The following ZSCAN25 variants were observed in gnomAD, a reference collection of about 807,000 sequenced individuals.
The protein encoded by ZSCAN25 is zinc finger and SCAN domain containing 25.
Under a neutral mutation model 38.7 loss-of-function variants are expected in ZSCAN25, and 27 were observed. The observed-to-expected ratio is 0.70, with a 90% CI of 0.51 to 0.96. ZSCAN25 has a LOEUF of 0.96. ZSCAN25 is among the 40% of genes least tolerant of loss of function. ZSCAN25 has a pLI of 0.00. For missense variants in ZSCAN25, 637 were observed against 705.9 expected, an observed-to-expected ratio of 0.90 and a Z score of 1.11; for synonymous variants, 273 against 277.7, an observed-to-expected ratio of 0.98 and a Z score of 0.17.
chr7:99,720,539 T>G, the ZSCAN25 span: 1 of 1,033,980 alleles, frequency 9.7e-7, no homozygotes, highest in African/African-American at 1.6e-5. Context: ...ACAGTAATCT[T>G]AAGTTCTAGT....
chr7:99,655,993 G>A, the ZSCAN25 span, among the ~76,000 whole-genome samples: 1 of 152,120 alleles, frequency 6.6e-6, no homozygotes, highest in Admixed American at 6.5e-5. Flanking sequence ...AGACGATGGG[G>A]TTTTCTAGAT....
the ZSCAN25 span, chr7:99,699,999 C>G: frequency 1.4e-4 from 232 of 1,611,976 alleles, 1 homozygote; most frequent in Middle Eastern, 9.9e-4. Flanking sequence ...CCAGGAGAAG[C>G]CAGGTTTCCA....
chr7:99,709,084 G>A, the ZSCAN25 span: 2 of 1,613,386 alleles, frequency 1.2e-6, no homozygotes, highest in South Asian at 1.1e-5. Context: ...GGGTCATGAT[G>A]AAGAACATAG....
the ZSCAN25 span, chr7:99,680,053 G>C: frequency 3.0e-6 from 2 of 661,712 alleles, no homozygotes; most frequent in Non-Finnish European, 5.4e-6. Flanking sequence ...CAGGGCTATA[G>C]CTGCAGCCAA....
At chr7:99,734,931 T>G in the ZSCAN25 span, 1 of 1,591,346 alleles carries the variant, frequency 6.3e-7, no homozygotes, top group East Asian at 2.2e-5. Flanking sequence ...TGAACATCCT[T>G]TTTGCTATTC....
At chr7:99,728,932 C>T in the ZSCAN25 span, among the ~76,000 whole-genome samples, 2 of 152,166 alleles carry the variant, frequency 1.3e-5, no homozygotes, top group Non-Finnish European at 2.9e-5. Flanking sequence ...TAGTCGTCCT[C>T]CAACATCGCT....
the ZSCAN25 span, among the ~76,000 whole-genome samples, chr7:99,711,397 A>G: frequency 6.6e-6 from 1 of 152,332 alleles, no homozygotes; most frequent in South Asian, 2.1e-4. Flanking sequence ...AGGGAACTTA[A>G]GAGACCAATA....
At chr7:99,699,665 GT>G in the ZSCAN25 span, among the ~76,000 whole-genome samples, 1 of 152,104 alleles carries the variant, frequency 6.6e-6, no homozygotes, top group Non-Finnish European at 1.5e-5. Context: ...CCTTTGCTGG[GT>G]TTTCATTTTC....
chr7:99,732,590 C>T, the ZSCAN25 span, among the ~76,000 whole-genome samples: 1 of 152,118 alleles, frequency 6.6e-6, no homozygotes, highest in Admixed American at 6.5e-5. Flanking sequence ...ACTTCCCCAA[C>T]TGGGGATTCT....
chr7:99,629,711 C>T lies in ZSCAN25; in HGVS notation c.1326C>T (p.Arg442=). 2.5e-6 allele frequency: 4 copies of T among 1,613,928 alleles called. No homozygotes were observed. Among genetic ancestry groups the T allele is most frequent in the Non-Finnish European group, 3.4e-6 (4 of 1,179,986 alleles). The change falls in exon 8 of 8, where the codon CGC becomes CGT. Residue 442 remains arginine, a synonymous_variant. Transcript: ENST00000394152. The surrounding 1 kb of genome is among the most constrained non-coding windows in gnomAD (Gnocchi z 5.6). ...GGGACTGCTGGAAGAGCTTCAGCCG[C>T]AGGCAGCACCTGCAGGTGCACCGGA... ...KCGDCWKSFS[R]RQHLQVHRRT...
the ZSCAN25 span, among the ~76,000 whole-genome samples, chr7:99,645,056 T>A: frequency 6.6e-6 from 1 of 152,184 alleles, no homozygotes; most frequent in Non-Finnish European, 1.5e-5. Flanking sequence ...AATGGCGCGA[T>A]CTTGGCTCAC....
chr7:99,697,491 G>C, the ZSCAN25 span, among the ~76,000 whole-genome samples: 10 of 152,160 alleles, frequency 6.6e-5, no homozygotes, highest in Non-Finnish European at 1.3e-4. Flanking sequence ...ATCCATATGC[G>C]TCATGTGTGC....
At position 99,629,335 on chromosome 7, in the gene ZSCAN25, C is replaced by G; in HGVS notation, c.950C>G (p.Pro317Arg). The change falls in exon 8 of 8, where the codon CCT becomes CGT. Residue 317 changes from proline to arginine, a missense_variant. Transcript: ENST00000394152. The surrounding 1 kb of genome is among the most constrained non-coding windows in gnomAD (Gnocchi z 5.6). Reference sequence around the variant, plus strand: ...GTCTGTGAGCAGGAGCCTGGTGGCCCTGCAGGCAGTGCGCCTGGGCTTCCT... The same window carrying G: ...GTCTGTGAGCAGGAGCCTGGTGGCCGTGCAGGCAGTGCGCCTGGGCTTCCT... ...GRVCEQEPGG[P>R]AGSAPGLPPP... is the part of the protein sequence containing the mutation. 1 of 1,614,194 alleles carries G rather than the reference C, an allele frequency of 6.2e-7. No homozygotes were observed. Among genetic ancestry groups the G allele is most frequent in the Non-Finnish European group, 8.5e-7 (1 of 1,180,032 alleles).
chr7:99,663,057 G>A, the ZSCAN25 span: 44 of 1,345,210 alleles, frequency 3.3e-5, no homozygotes, highest in African/African-American at 5.8e-4. Flanking sequence ...TAAATCCTTG[G>A]AAAGCAGGAT....
downstream of ZSCAN25, among the ~76,000 whole-genome samples, chr7:99,634,534 A>T (rs1418001750): frequency 6.6e-6 from 1 of 152,226 alleles, no homozygotes; most frequent in Non-Finnish European, 1.5e-5. Flanking sequence ...TCACGCCTGT[A>T]ATCCCAGCAC....
Position 99,629,319 on chromosome 7 carries a change from C to CAGGA in ZSCAN25, c.935_938dup (p.Pro314GlyfsTer24), listed in dbSNP as rs1807778616. The CAGGA allele has an allele frequency of 1.2e-6, 2 of 1,614,082 alleles. No homozygotes were observed. Among genetic ancestry groups the CAGGA allele is most frequent in the Non-Finnish European group, 1.7e-6 (2 of 1,180,036 alleles). ...CCCTGGGCTCGGAAGGGTCTGTGAG[C>CAGGA]AGGAGCCTGGTGGCCCTGCAGGCAG... On this transcript the variant is annotated frameshift_variant, in exon 8 of 8. Transcript: ENST00000394152. LOFTEE classifies it low-confidence loss of function (END_TRUNC). This position sits in a 1 kb window ranked among gnomAD's most constrained non-coding sequence, Gnocchi z 5.6.
the ZSCAN25 span, among the ~76,000 whole-genome samples, chr7:99,696,559 T>C: frequency 6.6e-6 from 1 of 152,150 alleles, no homozygotes; most frequent in Non-Finnish European, 1.5e-5. Flanking sequence ...ATCTGGTTGA[T>C]TTGCGCTATT....
chr7:99,728,903 C>G, the ZSCAN25 span, among the ~76,000 whole-genome samples: 2 of 152,262 alleles, frequency 1.3e-5, no homozygotes, highest in East Asian at 3.9e-4. Flanking sequence ...CCTTCAGACC[C>G]AGGTTGACTT....
chr7:99,621,743 C>T, intron 5 of ZSCAN25, 169 bp downstream of exon 5: 1 of 480,472 alleles, frequency 2.1e-6, no homozygotes, highest in Non-Finnish European at 3.4e-6. Context: ...GAAATTGTTT[C>T]TTCTCCCTTT....
Sources: gnomAD v4.1 joint callset for allele counts (sites outside exome capture counted in the v4.1 genomes callset) on GRCh38, gnomAD v4.1.1 for gene constraint, Gnocchi (gnomAD v3.1) non-coding constraint, MANE v1.5 for transcripts, NCBI Gene and HGNC (gene_info 2026-07-23, HGNC 2026-07-21) for gene names.